ADAR: variants seen among roughly 807,000 people sequenced by gnomAD.
ADAR encodes the protein adenosine deaminase RNA specific.
ADAR carries 41 observed loss-of-function variants against 113.2 expected under a neutral mutation model. The observed-to-expected ratio is 0.36, with a 90% confidence interval of 0.28 to 0.47. ADAR has a LOEUF of 0.47. ADAR is among the 20% of genes least tolerant of loss of function. The pLI is 1.00. For missense variants in ADAR, 1,242 were observed against 1,540.9 expected, an observed-to-expected ratio of 0.81 and a Z score of 3.25; for synonymous variants, 605 against 572.6, an observed-to-expected ratio of 1.06 and a Z score of -0.81.
At chr1:154,603,017 C>T (rs1697985885) in intron 1 of ADAR, among the ~76,000 whole-genome samples, 1 of 152,144 alleles carries the variant, frequency 6.6e-6, no homozygotes, top group Non-Finnish European at 1.5e-5. Flanking sequence ...GTTTTGAAAA[C>T]AAAAACAGAA....
intron 1 of ADAR, among the ~76,000 whole-genome samples, chr1:154,619,812 T>C (rs1698738695): frequency 1.3e-5 from 2 of 152,178 alleles, no homozygotes; most frequent in Admixed American, 6.5e-5. Flanking sequence ...TTGGTGAGGA[T>C]ATGAAGCAAA....
At chr1:154,621,909 TAGG>T (rs1698799496) in intron 1 of ADAR, among the ~76,000 whole-genome samples, 1 of 152,216 alleles carries the variant, frequency 6.6e-6, no homozygotes, top group Non-Finnish European at 1.5e-5. Flanking sequence ...TCTCTATTTG[TAGG>T]AGAAGTACTT....
chr1:154,583,150 G>C lies in ADAR; in HGVS notation c.*1656C>G, dbSNP rs1433149398. On this transcript the variant is annotated 3_prime_UTR_variant, in exon 15 of 15. Transcript: ENST00000368474. ...GTCTGTCATCTAAAGGAGAGAGGCA[G>C]GCTCAGCTCCTGAAGGTCGCAGAGC... The C allele has an allele frequency of 6.6e-6, 1 of 152,192 alleles. No individual in the cohort carries two copies. Among genetic ancestry groups the C allele is most frequent in the Non-Finnish European group, 1.5e-5 (1 of 68,042 alleles). 9.4% of individuals were successfully genotyped at this position (152,192 alleles called of 1,614,324 possible). A position where few individuals can be genotyped will look rare whatever the true frequency, so the allele number is the denominator to read the frequency against.
rs3738030 is a variant in ADAR at position 154,602,839 on chromosome 1, A to C, written c.16-213T>G. Among the ~76,000 whole-genome samples, 15,795 of 152,230 alleles carry C rather than the reference A, an allele frequency of 0.1. 967 individuals are homozygous for C. Among genetic ancestry groups the C allele is most frequent in the South Asian group, 0.18 (847 of 4,818 alleles). ...AACACAGAGAGGGGAGCAGGAGGCA[A>C]AGCACGCAGAACTTCCAGGAATACA... On this transcript the variant is annotated intron_variant, in intron 1 of 14. Transcript: ENST00000368474.
chr1:154,623,892 A>T (rs1698861786), intron 1 of ADAR, among the ~76,000 whole-genome samples: 1 of 151,776 alleles, frequency 6.6e-6, no homozygotes, highest in Non-Finnish European at 1.5e-5. Flanking sequence ...AATCCTAGCT[A>T]CCCGGGAGGC....
chr1:154,596,869 G>C lies in ADAR; in HGVS notation c.2206C>G (p.Arg736Gly). Residue 736 changes from arginine (R) to glycine (G), a missense_variant, in exon 6 of 15, where the codon CGC becomes GGC. Physicochemically the swap from Arg to Gly is moderately radical, Grantham distance 125. Coordinates refer to ENST00000368474, the MANE Select transcript of ADAR (RefSeq NM_001111.5). ...AATTCAGCAGCAAAGCCATGGGAGC[G>C]GGCGTACTCCAAAAGGCCACCCACA... is the stretch of plus-strand genomic sequence containing the variant. Reference protein sequence around the residue: ...NPVGGLLEYARSHGFAAEFKL... With the variant: ...NPVGGLLEYAGSHGFAAEFKL... The C allele has an allele frequency of 6.2e-7, 1 of 1,614,098 alleles. No homozygotes were observed. The highest frequency in any genetic ancestry group is 1.7e-4 in the Middle Eastern group (1 of 6,034).
In ADAR at chr1:154,590,044, A is replaced by G. The variant is rs1697025709; in HGVS notation, c.2497-116T>C. 2.0e-6 allele frequency: 3 copies of G among 1,497,254 alleles called. No individual in the cohort carries two copies. In the Admixed American group the frequency reaches 5.4e-5, roughly 27 times the overall value. The allele number at this position is 1,497,254 out of a possible 1,614,324, so 92.7% of individuals were successfully genotyped here. A position where few individuals can be genotyped will look rare whatever the true frequency, so the allele number is the denominator to read the frequency against. ...GTGTGAGTCATCTTTTCCTTCTTAC[A>G]TCTAGTGTCCCAGTTACTGCTCTCT... On this transcript the variant is annotated intron_variant, in intron 7 of 14. Coordinates refer to ENST00000368474, the MANE Select transcript of ADAR (RefSeq NM_001111.5).
chr1:154,616,547 T>A (rs1698639995), intron 1 of ADAR, among the ~76,000 whole-genome samples: 1 of 152,160 alleles, frequency 6.6e-6, no homozygotes, highest in Admixed American at 6.6e-5. Context: ...GAGCTTGAGC[T>A]CTAACCCCTA....
intron 4 of ADAR, 46 bp from the exon 5 acceptor site, chr1:154,597,313 G>A (rs1380795200): frequency 1.9e-6 from 3 of 1,610,984 alleles, no homozygotes; most frequent in African/African-American, 2.7e-5. Context: ...GGTTTTGACT[G>A]AGGAGCCTGA....
At chr1:154,587,833 G>T (rs974843654) in intron 11 of ADAR, among the ~76,000 whole-genome samples, 3 of 152,128 alleles carry the variant, frequency 2.0e-5, no homozygotes, top group Non-Finnish European at 4.4e-5. Flanking sequence ...GACCCTATAG[G>T]GGGATGACTC....
chr1:154,600,992 A>T, intron 2 of ADAR, 49 bp downstream of exon 2: 1 of 1,612,196 alleles, frequency 6.2e-7, no homozygotes. Flanking sequence ...CGTCAGGAGC[A>T]AAAGCACCTG....
Position 154,614,395 on chromosome 1 carries a change from ATCT to A in ADAR, c.-870-11772_-870-11770del, listed in dbSNP as rs201560215. 5.2e-3 allele frequency among the ~76,000 whole-genome samples: 786 copies of A among 152,300 alleles called. 6 individuals are homozygous for A. The highest frequency in any genetic ancestry group is 0.018 in the African/African-American group (748 of 41,552). On this transcript the variant is annotated intron_variant, in intron 1 of 14. Coordinates refer to the ADAR transcript ENST00000368471. ...CAGGACCCAAAGGGGGAGATCTCCC[ATCT>A]TCTTCTTCCCTAGGATCCAGATCCA...
At chr1:154,586,149 A>C (rs1480758914) in intron 12 of ADAR, 32 bp downstream of exon 12, 1 of 1,612,836 alleles carries the variant, frequency 6.2e-7, no homozygotes. Flanking sequence ...AGAAGGACAG[A>C]CCAGTTCCAG....
chr1:154,625,136 G>A (rs1447742042), intron 1 of ADAR, among the ~76,000 whole-genome samples: 1 of 152,106 alleles, frequency 6.6e-6, no homozygotes, highest in African/African-American at 2.4e-5. Context: ...CCAAACCTTG[G>A]TTCATATCTG....
chr1:154,592,449 T>C (rs1697212038), intron 6 of ADAR, among the ~76,000 whole-genome samples: 1 of 152,126 alleles, frequency 6.6e-6, no homozygotes, highest in African/African-American at 2.4e-5. Context: ...AAGTGTTGAG[T>C]AAATAAAGTA....
intron 6 of ADAR, 62 bp from the exon 7 acceptor site, chr1:154,590,471 GGTTA>G: frequency 6.5e-7 from 1 of 1,539,434 alleles, no homozygotes; most frequent in South Asian, 1.1e-5. Context: ...TCCAAGGAAG[GGTTA>G]GTTTTGCTGA....
rs1698329239 is a variant in ADAR at position 154,608,164 on chromosome 1, CGGGCCCAAGA to C, written c.-168_-159del. On this transcript the variant is annotated 5_prime_UTR_variant, in exon 1 of 15. Transcript: ENST00000368474. ...CGGGAAACTCCGCGGGTCTGCGCGC[CGGGCCCAAGA>C]TGGCTCCGGTTCAATTTCGCTTTCG... The C allele has an allele frequency of 4.5e-6, 4 of 895,442 alleles. No homozygotes were observed. The highest frequency in any genetic ancestry group is 6.4e-6 in the Non-Finnish European group (4 of 629,380). 55.5% of individuals were successfully genotyped at this position (895,442 alleles called of 1,614,324 possible). A position where few individuals can be genotyped will look rare whatever the true frequency, so the allele number is the denominator to read the frequency against.
chr1:154,589,253 C>T, intron 9 of ADAR, 116 bp downstream of exon 9: 1 of 819,068 alleles, frequency 1.2e-6, no homozygotes, highest in Non-Finnish European at 2.1e-6. Context: ...CTGCCACTGC[C>T]ACATCATGAC....
At chr1:154,623,646 A>T (rs7531982) in intron 1 of ADAR, among the ~76,000 whole-genome samples, 58,714 of 152,020 alleles carry the variant, frequency 0.39, 13,098 homozygotes, top group East Asian at 0.53. Context: ...CAACGCTAAA[A>T]GACAGCCATC....
Sources: allele counts gnomAD v4.1 joint callset (sites outside exome capture counted in the v4.1 genomes callset), GRCh38; gene constraint gnomAD v4.1.1; transcripts MANE v1.5; gene names NCBI Gene and HGNC (gene_info 2026-07-23, HGNC 2026-07-21).